Variants in SSBP4 observed in about 807,000 individuals in gnomAD.
SSBP4 encodes single-stranded DNA-binding protein 4.
A neutral mutation model predicts 64.6 loss-of-function variants in SSBP4; 33 were observed. That is an observed-to-expected ratio of 0.51 (90% CI 0.39 to 0.68). The LOEUF (loss-of-function observed/expected upper bound fraction) is 0.68. Among genes scored for constraint, SSBP4 ranks in the 30% least tolerant of loss-of-function variants. The pLI is 0.00. For missense variants in SSBP4, 583 were observed against 566.8 expected, an observed-to-expected ratio of 1.03 and a Z score of -0.29; for synonymous variants, 243 against 224.0, an observed-to-expected ratio of 1.08 and a Z score of -0.76.
chr19:18,425,334 C>T (rs1229914160), intron 1 of SSBP4, among the ~76,000 whole-genome samples: 2 of 152,190 alleles, frequency 1.3e-5, no homozygotes, highest in Non-Finnish European at 2.9e-5. Context: ...TCCTGCAACT[C>T]TGTCTTACCC....
At chr19:18,407,853 C>T in the SSBP4 span, among the ~76,000 whole-genome samples, 13 of 152,238 alleles carry the variant, frequency 8.5e-5, no homozygotes, top group South Asian at 1.0e-3. Flanking sequence ...AGTGATCCTC[C>T]TACCTCAGCC....
the SSBP4 span, among the ~76,000 whole-genome samples, chr19:18,413,575 G>T: frequency 1.3e-5 from 2 of 152,158 alleles, no homozygotes; most frequent in African/African-American, 2.4e-5. Flanking sequence ...ACCCAAGATG[G>T]CACACTGAGA....
Position 18,432,729 on chromosome 19 carries a change from C to T in SSBP4, c.780C>T (p.Ser260=). The change falls in exon 12 of 18, where the codon AGC becomes AGT. Residue 260 remains serine (S), a synonymous_variant. Coordinates refer to ENST00000270061, the MANE Select transcript of SSBP4 (RefSeq NM_032627.5). ...SIPYSSSSPG[S]YTGPPGGGGP... is the part of the protein sequence containing the mutation. ...CCTACTCCTCCTCATCCCCCGGCAG[C>T]TACACCGTAAGTCTGAGCAAAGCTG... 6.3e-7 allele frequency: 1 copy of T among 1,592,982 alleles called. No homozygotes were observed.
chr19:18,420,814 T>G lies in SSBP4; in HGVS notation c.59+1107T>G, dbSNP rs188192598. On this transcript the variant is annotated intron_variant, in intron 1 of 17. Coordinates refer to ENST00000270061, the MANE Select transcript of SSBP4 (RefSeq NM_032627.5). The stretch of plus-strand genomic sequence containing the variant: ...TTGCAGTGAGCCGAGATCACGCCAC[T>G]GCACTCCAGCCTGGCGACAGAGCCA... Among the ~76,000 whole-genome samples, 39 of 150,132 alleles carry G rather than the reference T, an allele frequency of 2.6e-4. No homozygotes were observed. In the East Asian group the frequency reaches 7.1e-3, roughly 27 times the overall value.
At chr19:18,414,053 G>T (rs550175040), upstream of SSBP4, among the ~76,000 whole-genome samples, 1 of 152,052 alleles carries the variant, frequency 6.6e-6, no homozygotes, top group South Asian at 2.1e-4. Flanking sequence ...GCATTCCCTC[G>T]GCCAGAGAAA....
Position 18,433,565 on chromosome 19 carries a change from G to T in SSBP4, c.992-20G>T. The T allele has an allele frequency of 6.5e-7, 1 of 1,545,248 alleles. No individual in the cohort carries two copies. The highest frequency in any genetic ancestry group is 1.2e-5 in the South Asian group (1 of 83,972). ...CGCCAGCACGTCTGAGCCGGTGCCC[G>T]TGTCTGTCCGTGTCTGTAGGCTCGG... On this transcript the variant is annotated intron_variant, in intron 15 of 17. Coordinates refer to ENST00000270061, the MANE Select transcript of SSBP4 (RefSeq NM_032627.5).
rs770224964 is a variant in SSBP4 at position 18,432,956 on chromosome 19, C to T, written c.842-17C>T. 1.2e-6 allele frequency: 2 copies of T among 1,614,132 alleles called. No homozygotes were observed. The highest frequency in any genetic ancestry group is 1.7e-6 in the Non-Finnish European group (2 of 1,180,012). ...GGGAAACCCCGTCACACCTGGCACC[C>T]TTCTGGTCTCCCCCAGATTCCACCA... On this transcript the variant is annotated splice_polypyrimidine_tract_variant and intron_variant, in intron 13 of 17. Coordinates refer to ENST00000270061, the MANE Select transcript of SSBP4 (RefSeq NM_032627.5).
At chr19:18,420,779 G>C (rs926884661) in intron 1 of SSBP4, among the ~76,000 whole-genome samples, 1 of 151,802 alleles carries the variant, frequency 6.6e-6, no homozygotes, top group African/African-American at 2.4e-5. Flanking sequence ...TTGAACCCGT[G>C]GCGCAGAGGT....
rs1328919575 is a variant in SSBP4, at chr19:18,423,659, C to T, written c.60-3692C>T. ...GTGGTACATTTCAGGCCACCAGGCG[C>T]TAGCACCCCATCCTGGCTCTGCTTC... On this transcript the variant is annotated intron_variant, in intron 1 of 17. Coordinates refer to ENST00000270061, the MANE Select transcript of SSBP4 (RefSeq NM_032627.5). This position sits in a 1 kb window ranked among gnomAD's most constrained non-coding sequence, Gnocchi z 4.0. 6.6e-6 allele frequency among the ~76,000 whole-genome samples: 1 copy of T among 152,168 alleles called. No individual in the cohort carries two copies. The highest frequency in any genetic ancestry group is 6.5e-5 in the Admixed American group (1 of 15,282).
chr19:18,427,219 C>A lies in SSBP4; in HGVS notation c.60-132C>A. On this transcript the variant is annotated intron_variant, in intron 1 of 17. Coordinates refer to ENST00000270061, the MANE Select transcript of SSBP4 (RefSeq NM_032627.5). The surrounding 1 kb of genome is among the most constrained non-coding windows in gnomAD (Gnocchi z 4.4). ...GGGCCTGCAGGACATAGATGGATAA[C>A]TATGAGCTGTCCCTGCTGAGCAGCT... 1.1e-6 allele frequency: 1 copy of A among 879,478 alleles called. No homozygotes were observed. Among genetic ancestry groups the A allele is most frequent in the Non-Finnish European group, 1.8e-6 (1 of 571,340 alleles). The allele number at this position is 879,478 out of a possible 1,614,324, so 54.5% of individuals were successfully genotyped here. A position where few individuals can be genotyped will look rare whatever the true frequency, so the allele number is the denominator to read the frequency against.
chr19:18,428,056 T>TGGGGGGCTTGGGGGTGGGGTGGGGGGGG, intron 4 of SSBP4, 74 bp downstream of exon 4: 1 of 444,262 alleles, frequency 2.3e-6, no homozygotes, highest in Non-Finnish European at 3.7e-6. Context: ...GGAGGTGGGG[T>TGGGGGGCTTGGGGGTGGGGTGGGGGGGG]GGGGGGCTGC....
At chr19:18,432,257 A>G (rs1368830450) in intron 10 of SSBP4, 43 bp downstream of exon 10, 5 of 1,600,016 alleles carry the variant, frequency 3.1e-6, no homozygotes, top group Admixed American at 1.7e-5. Flanking sequence ...TTCGCAGGCC[A>G]CCACCAGCTT....
In SSBP4 at chr19:18,433,559, GTGCCCGTGTC is replaced by G. The variant is rs1973680735; in HGVS notation, c.992-23_992-14del. 2 of 1,547,444 alleles carry G rather than the reference GTGCCCGTGTC, an allele frequency of 1.3e-6. No individual in the cohort carries two copies. Among genetic ancestry groups the G allele is most frequent in the Admixed American group, 2.0e-5 (1 of 51,140 alleles). On this transcript the variant is annotated splice_polypyrimidine_tract_variant and intron_variant, in intron 15 of 17. Coordinates refer to ENST00000270061, the MANE Select transcript of SSBP4 (RefSeq NM_032627.5). ...GCATGGCGCCAGCACGTCTGAGCCG[GTGCCCGTGTC>G]TGTCCGTGTCTGTAGGCTCGGGCGA...
At position 18,433,454 on chromosome 19, in the gene SSBP4, GGTTCCTGGCGGGCTGT is replaced by G. The variant is rs1243868151; in HGVS notation, c.992-129_992-114del. 4 of 1,467,908 alleles carry G rather than the reference GGTTCCTGGCGGGCTGT, an allele frequency of 2.7e-6. No homozygotes were observed. In the Admixed American group the frequency reaches 7.9e-5, roughly 29 times the overall value. 90.9% of individuals were successfully genotyped at this position (1,467,908 alleles called of 1,614,324 possible). A position where few individuals can be genotyped will look rare whatever the true frequency, so the allele number is the denominator to read the frequency against. ...ACCCTCCACCTGGCCTCAGTCCCGG[GGTTCCTGGCGGGCTGT>G]GCGGGGCGGGGGCGCGTCGGCGGGG... On this transcript the variant is annotated intron_variant, in intron 15 of 17. Coordinates refer to ENST00000270061, the MANE Select transcript of SSBP4 (RefSeq NM_032627.5).
upstream of SSBP4, chr19:18,419,385 G>A (rs1386842287): frequency 2.8e-5 from 29 of 1,032,586 alleles, no homozygotes; most frequent in Admixed American, 5.6e-5. Context: ...GCGGCGGGAG[G>A]AGGGGAGCGC....
At chr19:18,410,079 C>T in the SSBP4 span, among the ~76,000 whole-genome samples, 5 of 152,246 alleles carry the variant, frequency 3.3e-5, no homozygotes, top group Admixed American at 2.6e-4. Context: ...CTGCAAGCTC[C>T]GCCTCCCGGG....
upstream of SSBP4, chr19:18,419,308 G>A: frequency 6.0e-6 from 6 of 1,004,366 alleles, no homozygotes; most frequent in Non-Finnish European, 7.1e-6. Flanking sequence ...ACCCACCCGC[G>A]CGCCCGCCAT....
the SSBP4 span, among the ~76,000 whole-genome samples, chr19:18,408,037 G>A: frequency 1.3e-5 from 2 of 152,218 alleles, no homozygotes; most frequent in South Asian, 2.1e-4. Flanking sequence ...GAGCCACCAC[G>A]CCCGCCCTGC....
At position 18,431,437 on chromosome 19, in the gene SSBP4, T is replaced by TG; in HGVS notation, c.435+20dup. The TG allele has an allele frequency of 3.4e-6, 5 of 1,454,892 alleles. No individual in the cohort carries two copies. Among genetic ancestry groups the TG allele is most frequent in the Non-Finnish European group, 4.7e-6 (5 of 1,067,088 alleles). The allele number at this position is 1,454,892 out of a possible 1,614,324, so 90.1% of individuals were successfully genotyped here. A position where few individuals can be genotyped will look rare whatever the true frequency, so the allele number is the denominator to read the frequency against. ...CGGTCAGGTAAGGAGCTGTGGTGCCTGCCCCTCACACACACACATCCCCTC... is the reference window on the plus strand; with the variant it reads ...CGGTCAGGTAAGGAGCTGTGGTGCCTGGCCCCTCACACACACACATCCCCTC... On this transcript the variant is annotated intron_variant, in intron 6 of 17. Transcript: ENST00000270061.
Sources: gnomAD v4.1 joint callset for allele counts (sites outside exome capture counted in the v4.1 genomes callset) on GRCh38, gnomAD v4.1.1 for gene constraint, Gnocchi (gnomAD v3.1) non-coding constraint, MANE v1.5 for transcripts, NCBI Gene and HGNC (gene_info 2026-07-23, HGNC 2026-07-21) for gene names.